Variants in EHBP1 observed in about 807,000 individuals in gnomAD.
The protein encoded by EHBP1 is EH domain binding protein 1.
EHBP1 carries 55 observed loss-of-function variants against 144.0 expected under a neutral mutation model. That is an observed-to-expected ratio of 0.38 (90% CI 0.31 to 0.48). The LOEUF (loss-of-function observed/expected upper bound fraction) is 0.48. Among genes scored for constraint, EHBP1 ranks in the 20% least tolerant of loss-of-function variants. The pLI is 0.98. For synonymous variants in EHBP1, 469 were observed against 472.7 expected (o/e 0.99, Z 0.10); for missense variants, 1,200 against 1,364.2 (o/e 0.88, Z 1.90).
intron 2 of EHBP1, among the ~76,000 whole-genome samples, chr2:62,742,825 T>C (rs1482747238): frequency 6.6e-6 from 1 of 152,136 alleles, no homozygotes; most frequent in African/African-American, 2.4e-5. Flanking sequence ...TTAAACAAAA[T>C]AATTTATTTA....
chr2:62,890,248 T>G (rs1199407116), intron 10 of EHBP1, among the ~76,000 whole-genome samples: 1 of 152,150 alleles, frequency 6.6e-6, no homozygotes, highest in Non-Finnish European at 1.5e-5. Flanking sequence ...ATATGAAATT[T>G]AAAATAGTTT....
Position 62,924,387 on chromosome 2 carries a change from A to G in EHBP1, c.1186-18331A>G, listed in dbSNP as rs533511712. ...AAAGATCAGAGCAGAGATAAATGAA[A>G]TTGAGACTGAAAAAATACAGAAGTT... On this transcript the variant is annotated intron_variant, in intron 10 of 22. Transcript: ENST00000431489. 9.8e-5 allele frequency among the ~76,000 whole-genome samples: 15 copies of G among 152,382 alleles called. No individual in the cohort carries two copies. The South Asian group carries it at 1.0e-3, about 11-fold the overall frequency.
At chr2:62,729,004 G>A (rs1202797552) in intron 2 of EHBP1, among the ~76,000 whole-genome samples, 1 of 151,612 alleles carries the variant, frequency 6.6e-6, no homozygotes, top group Non-Finnish European at 1.5e-5. Context: ...AGCACCATTT[G>A]TCTAGTCTGG....
chr2:62,860,764 T>C lies in EHBP1; in HGVS notation c.757+1473T>C, dbSNP rs545385505. 2.0e-5 allele frequency among the ~76,000 whole-genome samples: 3 copies of C among 152,274 alleles called. No homozygotes were observed. In the East Asian group the frequency reaches 5.8e-4, roughly 29 times the overall value. ...TTTCTATTTTAAAATCAAGTAAGTT[T>C]TCTAAATGTAAGTCTGTTATCAGAG... On this transcript the variant is annotated intron_variant, in intron 8 of 22. Transcript: ENST00000431489.
At chr2:62,918,582 CAT>C (rs2152997753) in intron 10 of EHBP1, among the ~76,000 whole-genome samples, 1 of 152,218 alleles carries the variant, frequency 6.6e-6, no homozygotes, top group African/African-American at 2.4e-5. Flanking sequence ...TCTCTAATGA[CAT>C]AACAAGGAAA....
chr2:62,959,642 T>C (rs1255847241), intron 14 of EHBP1, among the ~76,000 whole-genome samples: 1 of 152,188 alleles, frequency 6.6e-6, no homozygotes, highest in African/African-American at 2.4e-5. Flanking sequence ...TTGAACATCT[T>C]TTCATGTACC....
At chr2:62,713,504 A>T (rs186858338) in intron 2 of EHBP1, among the ~76,000 whole-genome samples, 2 of 152,236 alleles carry the variant, frequency 1.3e-5, no homozygotes, top group East Asian at 3.9e-4. Context: ...TCAGCCTCCC[A>T]AAGTACTGGG....
intron 10 of EHBP1, among the ~76,000 whole-genome samples, chr2:62,912,370 G>GGT (rs1250982503): frequency 6.6e-6 from 1 of 152,010 alleles, no homozygotes; most frequent in Non-Finnish European, 1.5e-5. Flanking sequence ...TGACCAACAT[G>GGT]GTAAAACCCC....
chr2:62,964,787 T>C (rs1431360171), intron 14 of EHBP1, among the ~76,000 whole-genome samples: 3 of 152,234 alleles, frequency 2.0e-5, no homozygotes, highest in Non-Finnish European at 4.4e-5. Context: ...AAATTGGTAA[T>C]TAATGAACAG....
At chr2:62,883,674 A>T (rs2051668368) in intron 10 of EHBP1, among the ~76,000 whole-genome samples, 1 of 152,228 alleles carries the variant, frequency 6.6e-6, no homozygotes, top group African/African-American at 2.4e-5. Context: ...TAGTATTAAT[A>T]GACTGCTAGC....
At chr2:62,831,722 A>G (rs571846521) in intron 7 of EHBP1, among the ~76,000 whole-genome samples, 35 of 152,318 alleles carry the variant, frequency 2.3e-4, no homozygotes, top group African/African-American at 7.9e-4. Context: ...TGGCTATCAC[A>G]CTTAAGCAAT....
intron 5 of EHBP1, among the ~76,000 whole-genome samples, chr2:62,778,969 G>A (rs1221076675): frequency 6.6e-6 from 1 of 151,980 alleles, no homozygotes; most frequent in South Asian, 2.1e-4. Context: ...TTCTCCTGTA[G>A]CTCCAAACTG....
At chr2:62,694,617 C>T (rs915517999) in intron 1 of EHBP1, among the ~76,000 whole-genome samples, 1 of 151,960 alleles carries the variant, frequency 6.6e-6, no homozygotes, top group African/African-American at 2.4e-5. Context: ...TAAGGGTAGA[C>T]ATTTAAAAAA....
intron 2 of EHBP1, among the ~76,000 whole-genome samples, chr2:62,719,942 A>G (rs2036060227): frequency 6.6e-6 from 1 of 152,148 alleles, no homozygotes; most frequent in Admixed American, 6.5e-5. Flanking sequence ...TTAGATTGCT[A>G]CTTTCTTTTC....
At chr2:62,691,084 C>A (rs1490391515) in intron 1 of EHBP1, among the ~76,000 whole-genome samples, 1 of 152,170 alleles carries the variant, frequency 6.6e-6, no homozygotes, top group Admixed American at 6.5e-5. Flanking sequence ...AGTGAACTTG[C>A]CTCCAAGCCA....
chr2:62,701,324 T>C (rs2034275130), upstream of EHBP1, among the ~76,000 whole-genome samples: 2 of 152,202 alleles, frequency 1.3e-5, no homozygotes, highest in African/African-American at 4.8e-5. Flanking sequence ...ATATAAATAT[T>C]ATTAATGTAT....
In EHBP1 at chr2:62,719,874, A is replaced by G. The variant is rs1239118843; in HGVS notation, c.104+12579A>G. ...GGTATCCTCAGGAGGTCCTGGAACC[A>G]ATCCTCCACTGATACTAATGGAAGA... On this transcript the variant is annotated intron_variant, in intron 2 of 22. Transcript: ENST00000431489. 2.0e-5 allele frequency among the ~76,000 whole-genome samples: 3 copies of G among 152,210 alleles called. No individual in the cohort carries two copies. The East Asian group carries it at 5.8e-4, about 29-fold the overall frequency.
intron 1 of EHBP1, among the ~76,000 whole-genome samples, chr2:62,685,137 A>G (rs1483910729): frequency 6.6e-6 from 1 of 152,226 alleles, no homozygotes; most frequent in Non-Finnish European, 1.5e-5. Context: ...AATTGAGTAC[A>G]GTACATTATA....
chr2:62,730,613 T>G, intron 2 of EHBP1, among the ~76,000 whole-genome samples: 1 of 151,814 alleles, frequency 6.6e-6, no homozygotes, highest in East Asian at 1.9e-4. Flanking sequence ...AAACATCTTT[T>G]TCTTTTTTTT....
Sources: allele counts gnomAD v4.1 joint callset (sites outside exome capture counted in the v4.1 genomes callset), GRCh38; gene constraint gnomAD v4.1.1; transcripts MANE v1.5; gene names NCBI Gene and HGNC (gene_info 2026-07-23, HGNC 2026-07-21).